Variants in LPAR3 observed in about 807,000 individuals in gnomAD.
The protein encoded by LPAR3 is lysophosphatidic acid receptor 3.
LPAR3 carries 7 observed loss-of-function variants against 17.8 expected under a neutral mutation model. That is an observed-to-expected ratio of 0.39 (90% CI 0.22 to 0.74). LPAR3 has a LOEUF of 0.74. Among genes scored for constraint, LPAR3 ranks in the 30% least tolerant of loss-of-function variants. The pLI is 0.40. For missense variants in LPAR3, 391 were observed against 453.4 expected (o/e 0.86, Z 1.25); for synonymous variants, 179 against 179.9 (o/e 0.99, Z 0.04).
intron 2 of LPAR3, among the ~76,000 whole-genome samples, chr1:84,816,764 T>G (rs1658940515): frequency 6.6e-6 from 1 of 152,086 alleles, no homozygotes; most frequent in South Asian, 2.1e-4. Flanking sequence ...GCCACTGCAC[T>G]CCAGCCTGGG....
In LPAR3 at chr1:84,813,015, T is replaced by C. The variant is rs771477478; in HGVS notation, c.*831A>G. On this transcript the variant is annotated 3_prime_UTR_variant, in exon 3 of 3. Transcript: ENST00000370611. Reference sequence around the variant, plus strand: ...GAGGCAGTCTGGGGCGGTAACCCCGTATCTGAAATACTCCAGGGATCCATG... The same window carrying C: ...GAGGCAGTCTGGGGCGGTAACCCCGCATCTGAAATACTCCAGGGATCCATG... 6.6e-6 allele frequency: 1 copy of C among 151,268 alleles called. No individual in the cohort carries two copies. The highest frequency in any genetic ancestry group is 1.5e-5 in the Non-Finnish European group (1 of 67,888). 9.4% of individuals were successfully genotyped at this position (151,268 alleles called of 1,614,324 possible). A position where few individuals can be genotyped will look rare whatever the true frequency, so the allele number is the denominator to read the frequency against.
intron 2 of LPAR3, among the ~76,000 whole-genome samples, chr1:84,861,098 T>A (rs1659932915): frequency 6.6e-6 from 1 of 152,198 alleles, no homozygotes; most frequent in South Asian, 2.1e-4. Context: ...AATGGAAATG[T>A]TTAGCATTTT....
intron 1 of LPAR3, among the ~76,000 whole-genome samples, chr1:84,889,714 A>G (rs1376337459): frequency 6.6e-6 from 1 of 152,168 alleles, no homozygotes; most frequent in East Asian, 1.9e-4. Context: ...GTGCCCCCTT[A>G]GCACTCAAAA....
intron 2 of LPAR3, among the ~76,000 whole-genome samples, chr1:84,852,693 G>T (rs17369470): frequency 6.6e-6 from 1 of 152,010 alleles, no homozygotes; most frequent in African/African-American, 2.4e-5. Flanking sequence ...AAAGAACTTG[G>T]GGACCCAAAG....
chr1:84,830,151 T>G (rs1659253962), intron 2 of LPAR3, among the ~76,000 whole-genome samples: 1 of 152,250 alleles, frequency 6.6e-6, no homozygotes, highest in African/African-American at 2.4e-5. Context: ...GGTCAACCTG[T>G]TCTCGTAGCT....
At chr1:84,892,214 A>AAAATAAATAAATAAAT (rs71097866) in intron 1 of LPAR3, among the ~76,000 whole-genome samples, 1 of 135,546 alleles carries the variant, frequency 7.4e-6, no homozygotes, top group Non-Finnish European at 1.6e-5. Context: ...CTGTGTCTCA[A>AAAATAAATAAATAAAT]AAATAAATAA....
chr1:84,866,873 T>C (rs1162757640), intron 1 of LPAR3, among the ~76,000 whole-genome samples: 2 of 152,194 alleles, frequency 1.3e-5, no homozygotes, highest in East Asian at 1.9e-4. Flanking sequence ...TTCTTCCTTA[T>C]AGTCTCCTAA....
At chr1:84,870,649 A>G (rs1379202118) in intron 1 of LPAR3, among the ~76,000 whole-genome samples, 1 of 152,176 alleles carries the variant, frequency 6.6e-6, no homozygotes, top group African/African-American at 2.4e-5. Context: ...AGCATTTTAC[A>G]TGGATTATCT....
chr1:84,827,490 G>A (rs1384724704), intron 2 of LPAR3, among the ~76,000 whole-genome samples: 1 of 151,112 alleles, frequency 6.6e-6, no homozygotes, highest in Non-Finnish European at 1.5e-5. Context: ...TCCCTTCCTT[G>A]AGAAGTGGAG....
Position 84,833,112 on chromosome 1 carries a change from C to T in LPAR3, c.737-18941G>A, listed in dbSNP as rs527920397. On this transcript the variant is annotated intron_variant, in intron 2 of 2. Transcript: ENST00000370611. ...TCAGGATACAGGAGAAATCAAACAC[C>T]CTAAGTTCAGTAATGGGAACGTGGT... Among the ~76,000 whole-genome samples, 255 of 152,220 alleles carry T rather than the reference C, an allele frequency of 1.7e-3. 5 individuals carry two copies. In the South Asian group the frequency reaches 0.026, roughly 16 times the overall value.
chr1:84,854,752 T>G (rs956155274), intron 2 of LPAR3, among the ~76,000 whole-genome samples: 15 of 152,214 alleles, frequency 9.9e-5, no homozygotes, highest in Admixed American at 3.9e-4. Flanking sequence ...CACTGAGCAG[T>G]AAATTCTCTG....
chr1:84,864,546 G>A (rs1037094565), intron 2 of LPAR3, among the ~76,000 whole-genome samples: 5 of 152,148 alleles, frequency 3.3e-5, no homozygotes, highest in African/African-American at 1.2e-4. Flanking sequence ...TCACTCCCCT[G>A]TTTAAAACCT....
At chr1:84,850,564 C>G (rs72718724) in intron 2 of LPAR3, among the ~76,000 whole-genome samples, 1,804 of 152,104 alleles carry the variant, frequency 0.012, 16 homozygotes, top group South Asian at 0.034. Context: ...ACTCCAGCCT[C>G]GGTGACAGAG....
intron 2 of LPAR3, among the ~76,000 whole-genome samples, chr1:84,840,592 T>C (rs142324248): frequency 6.6e-6 from 1 of 152,192 alleles, no homozygotes; most frequent in African/African-American, 2.4e-5. Flanking sequence ...ACCAAATTTA[T>C]AATAAAGTTA....
chr1:84,847,022 A>G (rs151020565), intron 2 of LPAR3, among the ~76,000 whole-genome samples: 153 of 152,308 alleles, frequency 1.0e-3, no homozygotes, highest in Middle Eastern at 3.4e-3. Flanking sequence ...CCCTGGGAAT[A>G]TCAGAGATTC....
chr1:84,847,134 T>C (rs1659607878), intron 2 of LPAR3, among the ~76,000 whole-genome samples: 1 of 152,246 alleles, frequency 6.6e-6, no homozygotes, highest in Non-Finnish European at 1.5e-5. Context: ...GCTGGATTCA[T>C]CCTTTTGCTA....
chr1:84,825,987 A>G (rs1287688929), intron 2 of LPAR3, among the ~76,000 whole-genome samples: 2 of 152,152 alleles, frequency 1.3e-5, no homozygotes, highest in African/African-American at 4.8e-5. Context: ...AAAACTCCAT[A>G]TGGACATGAC....
intron 2 of LPAR3, among the ~76,000 whole-genome samples, chr1:84,855,229 T>G (rs1659795050): frequency 6.6e-6 from 1 of 152,204 alleles, no homozygotes; most frequent in Non-Finnish European, 1.5e-5. Context: ...AGCTGAAATT[T>G]TCGAAGTACA....
chr1:84,834,208 G>A (rs1299587195), intron 2 of LPAR3, among the ~76,000 whole-genome samples: 7 of 152,030 alleles, frequency 4.6e-5, no homozygotes, highest in African/African-American at 1.7e-4. Flanking sequence ...CTATATATTG[G>A]TACCATTTAC....
Sources: allele counts gnomAD v4.1 joint callset (sites outside exome capture counted in the v4.1 genomes callset), GRCh38; gene constraint gnomAD v4.1.1; transcripts MANE v1.5; gene names NCBI Gene and HGNC (gene_info 2026-07-23, HGNC 2026-07-21).